The following GAS7 variants were observed in gnomAD, a reference collection of about 807,000 sequenced individuals.
The protein encoded by GAS7 is growth arrest-specific protein 7.
A neutral mutation model predicts 71.1 loss-of-function variants in GAS7; 28 were observed. That is an observed-to-expected ratio of 0.39 (90% CI 0.29 to 0.54). The LOEUF (loss-of-function observed/expected upper bound fraction) is 0.54. Among genes scored for constraint, GAS7 ranks in the 20% least tolerant of loss-of-function variants. The pLI, the probability that GAS7 is intolerant of heterozygous loss-of-function variation, is 0.62. For synonymous variants in GAS7, 258 were observed against 245.8 expected (o/e 1.05, Z -0.46); for missense variants, 436 against 627.8 (o/e 0.69, Z 3.27).
intron 5 of GAS7, among the ~76,000 whole-genome samples, chr17:9,955,791 C>T (rs1400137474): frequency 6.6e-6 from 1 of 152,204 alleles, no homozygotes; most frequent in Non-Finnish European, 1.5e-5. Flanking sequence ...CAGGCAGTCC[C>T]ACCCTCACTT....
chr17:10,084,978 G>A (rs1289351841), intron 1 of GAS7, among the ~76,000 whole-genome samples: 2 of 152,130 alleles, frequency 1.3e-5, no homozygotes, highest in African/African-American at 2.4e-5. Context: ...TGGGTAAGAG[G>A]AGCAAGAAAG....
rs2074191342 is a variant in GAS7, at chr17:10,154,669, A to C, written c.183+43539T>G. 2.0e-5 allele frequency among the ~76,000 whole-genome samples: 3 copies of C among 152,194 alleles called. No homozygotes were observed. The South Asian group carries it at 6.2e-4, about 32-fold the overall frequency. On this transcript the variant is annotated intron_variant, in intron 1 of 13. Transcript: ENST00000432992. ...CCCAACCGCCCATCTCTATTTTTCA[A>C]AAAGAAAGAAAGAAAAACAGAGTGA...
intron 8 of GAS7, among the ~76,000 whole-genome samples, chr17:9,936,002 G>T (rs1434266769): frequency 1.3e-5 from 2 of 152,214 alleles, no homozygotes; most frequent in African/African-American, 4.8e-5. Context: ...CCCAGCTAGG[G>T]CCGATTGACT....
chr17:9,956,739 T>C (rs182485608), intron 5 of GAS7, among the ~76,000 whole-genome samples: 1 of 152,228 alleles, frequency 6.6e-6, no homozygotes, highest in East Asian at 1.9e-4. Flanking sequence ...TCCACCACCC[T>C]TTGCTGCCCA....
At chr17:10,025,778 T>C (rs978185679) in intron 1 of GAS7, among the ~76,000 whole-genome samples, 2 of 152,176 alleles carry the variant, frequency 1.3e-5, no homozygotes, top group Admixed American at 6.5e-5. Flanking sequence ...TTTGTCACAG[T>C]GATCCTGGGT....
At chr17:10,078,733 T>C (rs909188867) in intron 1 of GAS7, among the ~76,000 whole-genome samples, 1 of 152,108 alleles carries the variant, frequency 6.6e-6, no homozygotes, top group Non-Finnish European at 1.5e-5. Flanking sequence ...GGTAGGGGGA[T>C]ATACAACAGT....
At chr17:10,016,063 T>C (rs186478128) in intron 2 of GAS7, among the ~76,000 whole-genome samples, 52 of 152,266 alleles carry the variant, frequency 3.4e-4, no homozygotes, top group Non-Finnish European at 6.5e-4. Context: ...AAACTATGTG[T>C]TGAAGGAATG....
intron 11 of GAS7, among the ~76,000 whole-genome samples, chr17:9,920,847 G>C (rs2067778473): frequency 6.6e-6 from 1 of 152,240 alleles, no homozygotes; most frequent in African/African-American, 2.4e-5. Flanking sequence ...CAGAATGCTA[G>C]AGTAGAATTT....
chr17:10,161,087 T>C (rs2074252769), intron 1 of GAS7, among the ~76,000 whole-genome samples: 1 of 152,132 alleles, frequency 6.6e-6, no homozygotes, highest in Non-Finnish European at 1.5e-5. Flanking sequence ...GCGGCTCCGT[T>C]TTGTTTGTTT....
intron 1 of GAS7, among the ~76,000 whole-genome samples, chr17:10,197,409 C>CA (rs1282626432): frequency 2.0e-5 from 3 of 152,008 alleles, no homozygotes; most frequent in Non-Finnish European, 4.4e-5. Context: ...GGTCACCCCC[C>CA]CACACACAAA....
At chr17:10,114,078 C>A (rs1244947976) in intron 1 of GAS7, among the ~76,000 whole-genome samples, 2 of 152,098 alleles carry the variant, frequency 1.3e-5, no homozygotes, top group African/African-American at 4.8e-5. Context: ...CCACGCCTGG[C>A]TAATCTTTTT....
chr17:10,039,245 A>G (rs11871143), intron 1 of GAS7, among the ~76,000 whole-genome samples: 19,613 of 148,712 alleles, frequency 0.13, 1,460 homozygotes, highest in East Asian at 0.26. Context: ...AAAAGCCCCC[A>G]AGACCCACAG....
intron 1 of GAS7, among the ~76,000 whole-genome samples, chr17:10,075,625 C>T (rs980290321): frequency 3.3e-5 from 5 of 151,832 alleles, no homozygotes; most frequent in Non-Finnish European, 5.9e-5. Flanking sequence ...CGAGACCCTA[C>T]GTCTGCAAAA....
chr17:10,104,245 CT>C (rs532934444), intron 1 of GAS7, among the ~76,000 whole-genome samples: 1 of 152,318 alleles, frequency 6.6e-6, no homozygotes, highest in South Asian at 2.1e-4. Flanking sequence ...ATCTGTCTCT[CT>C]TCTAGAGTCG....
chr17:10,002,414 TA>T (rs201461713), intron 2 of GAS7, among the ~76,000 whole-genome samples: 2 of 151,944 alleles, frequency 1.3e-5, no homozygotes, highest in African/African-American at 4.8e-5. Context: ...CACATCTTTT[TA>T]TTTTTTTAAT....
chr17:9,958,931 C>A, intron 5 of GAS7: 2 of 1,369,918 alleles, frequency 1.5e-6, no homozygotes, highest in Non-Finnish European at 9.5e-7. Context: ...ATACCTTCCC[C>A]TCCTGCCCTG....
At chr17:9,951,985 G>T (rs1248667360) in intron 5 of GAS7, among the ~76,000 whole-genome samples, 1 of 152,030 alleles carries the variant, frequency 6.6e-6, no homozygotes. Context: ...CGGTACCAAG[G>T]ACAGCCCCTT....
chr17:9,991,484 C>A (rs2070841713), intron 2 of GAS7, among the ~76,000 whole-genome samples: 1 of 152,186 alleles, frequency 6.6e-6, no homozygotes, highest in African/African-American at 2.4e-5. Flanking sequence ...CGTCAGTGTC[C>A]TGGCCCTTTG....
rs2068152276 is a variant in GAS7 at position 9,930,006 on chromosome 17, G to C, written c.886-3237C>G. On this transcript the variant is annotated intron_variant, in intron 9 of 13. Coordinates refer to ENST00000432992, the MANE Select transcript of GAS7 (RefSeq NM_201433.2). ...CATCTCACACATCAGAAGAGAATAA[G>C]AGAAGTTCCAAGTTGGTAGGAATTT... Among the ~76,000 whole-genome samples, 4 of 152,146 alleles carry C rather than the reference G, an allele frequency of 2.6e-5. No individual in the cohort carries two copies. In the South Asian group the frequency reaches 8.3e-4, roughly 32 times the overall value.
Sources: gnomAD v4.1 joint callset for allele counts (sites outside exome capture counted in the v4.1 genomes callset) on GRCh38, gnomAD v4.1.1 for gene constraint, MANE v1.5 for transcripts, NCBI Gene and HGNC (gene_info 2026-07-23, HGNC 2026-07-21) for gene names.